The following GAK variants were observed in gnomAD, a reference collection of about 807,000 sequenced individuals.
GAK encodes the protein cyclin G associated kinase.
A neutral mutation model predicts 143.9 loss-of-function variants in GAK; 79 were observed. That is an observed-to-expected ratio of 0.55 (90% CI 0.46 to 0.66). The LOEUF is 0.66. Among genes scored for constraint, GAK ranks in the 30% least tolerant of loss-of-function variants. The pLI, the probability that GAK is intolerant of heterozygous loss-of-function variation, is 0.00. For synonymous variants in GAK, 881 were observed against 765.5 expected, an observed-to-expected ratio of 1.15 and a Z score of -2.49; for missense variants, 1,693 against 1,779.7, an observed-to-expected ratio of 0.95 and a Z score of 0.88.
chr4:866,648 C>T, intron 21 of GAK, 114 bp from the exon 22 acceptor site: 1 of 1,144,826 alleles, frequency 8.7e-7, no homozygotes. Context: ...AGCCCAGACC[C>T]CACGGCTGCC....
chr4:886,624 CTT>C (rs1323901360), intron 11 of GAK: 1 of 152,336 alleles, frequency 6.6e-6, no homozygotes, highest in Admixed American at 6.5e-5. Flanking sequence ...TCCTCTCTGT[CTT>C]GTTTCCACTC....
chr4:852,135 T>C (rs1748275322), intron 24 of GAK, 161 bp from the exon 25 acceptor site: 1 of 676,342 alleles, frequency 1.5e-6, no homozygotes, highest in Non-Finnish European at 2.6e-6. Flanking sequence ...CCCACACGTG[T>C]GAAGGTCTCC....
At chr4:852,335 C>A in intron 24 of GAK, 1 of 358,188 alleles carries the variant, frequency 2.8e-6, no homozygotes, top group South Asian at 3.2e-5. Context: ...CGGGGCTTGT[C>A]CACGGGGGTT....
Position 858,560 on chromosome 4 carries a change from A to T in GAK, c.3283+1046T>A, listed in dbSNP as rs550035275. 3.0e-4 allele frequency among the ~76,000 whole-genome samples: 45 copies of T among 152,356 alleles called. 1 individual carries two copies. The highest frequency in any genetic ancestry group is 1.9e-3 in the South Asian group (9 of 4,832). ...AGGCCACAAAGGGAAATAAAATACA[A>T]AACCACACCGACAGAAACGCTCATG... is the stretch of plus-strand genomic sequence containing the variant. On this transcript the variant is annotated intron_variant, in intron 24 of 27. Transcript: ENST00000314167.
intron 1 of GAK, among the ~76,000 whole-genome samples, chr4:921,671 A>G (rs2152966013): frequency 6.6e-6 from 1 of 151,972 alleles, no homozygotes; most frequent in East Asian, 1.9e-4. Flanking sequence ...GATCTGCAAC[A>G]GACCCCGCTT....
chr4:889,541 C>A (rs115830981), intron 10 of GAK, among the ~76,000 whole-genome samples: 7,134 of 152,224 alleles, frequency 0.047, 194 homozygotes, highest in South Asian at 0.1. Flanking sequence ...CCCAGCAGCT[C>A]GAGGACTCAC....
intron 5 of GAK, among the ~76,000 whole-genome samples, chr4:902,605 A>AAAAAAAAAAAAAAAAAAAAAC (rs1180561371): frequency 3.8e-5 from 5 of 130,386 alleles, no homozygotes; most frequent in Admixed American, 1.7e-4. Context: ...TCAAAAAAAA[A>AAAAAAAAAAAAAAAAAAAAAC]AAAAAAAAAC....
chr4:870,972 T>C (rs1712465119), intron 18 of GAK, 68 bp from the exon 19 acceptor site: 13 of 1,355,122 alleles, frequency 9.6e-6, no homozygotes, highest in Non-Finnish European at 9.1e-6. Flanking sequence ...GGACATTCAC[T>C]AAAGAAACGT....
At chr4:924,564 G>A (rs566356090) in intron 1 of GAK, among the ~76,000 whole-genome samples, 6 of 151,766 alleles carry the variant, frequency 4.0e-5, no homozygotes, top group Non-Finnish European at 4.4e-5. Flanking sequence ...TCATAACAGC[G>A]GACACGGTTT....
chr4:875,052 A>C (rs1030843151), intron 18 of GAK, among the ~76,000 whole-genome samples: 1 of 152,160 alleles, frequency 6.6e-6, no homozygotes, highest in Non-Finnish European at 1.5e-5. Context: ...ATCTCTGGTG[A>C]AATTCCCATC....
At chr4:908,341 C>G (rs1721446563) in intron 4 of GAK, among the ~76,000 whole-genome samples, 2 of 152,272 alleles carry the variant, frequency 1.3e-5, no homozygotes, top group South Asian at 2.1e-4. Flanking sequence ...AACCAAGCAG[C>G]CTTCTGGATG....
At position 889,936 on chromosome 4, in the gene GAK, G is replaced by A. The variant is rs1053220416; in HGVS notation, c.1081+596C>T. On this transcript the variant is annotated intron_variant, in intron 10 of 27. Coordinates refer to ENST00000314167, the MANE Select transcript of GAK (RefSeq NM_005255.4). ...GGTGCCCACTCCTCATGCGGCAGAA[G>A]GGGCCACCTCACACTAGCGGCAGAA... 4.6e-5 allele frequency among the ~76,000 whole-genome samples: 7 copies of A among 152,194 alleles called. No homozygotes were observed. In the East Asian group the frequency reaches 9.6e-4, roughly 21 times the overall value.
chr4:917,183 AAAACTCCAGAAAACGCAAATGGATCTAT>A (rs1723203698), intron 1 of GAK, among the ~76,000 whole-genome samples: 1 of 152,278 alleles, frequency 6.6e-6, no homozygotes, highest in Admixed American at 6.5e-5. Flanking sequence ...CAGTGTACAG[AAAACTCCAGAAAACGCAAATGGATCTAT>A]GGTAACAGAA....
At chr4:868,459 G>A (rs1481297216) in intron 20 of GAK, 80 bp downstream of exon 20, 1 of 1,495,500 alleles carries the variant, frequency 6.7e-7, no homozygotes. Context: ...CGTCTCCCAA[G>A]ACGCTTGCCC....
chr4:855,180 C>T (rs1335019051), intron 24 of GAK, among the ~76,000 whole-genome samples: 2 of 152,158 alleles, frequency 1.3e-5, no homozygotes, highest in Non-Finnish European at 2.9e-5. Context: ...CACAGGAGAA[C>T]GGCCACCTTA....
chr4:910,872 C>T (rs532769957), intron 4 of GAK, among the ~76,000 whole-genome samples: 5 of 152,282 alleles, frequency 3.3e-5, no homozygotes, highest in Admixed American at 6.5e-5. Context: ...TGGAGGGCAT[C>T]GGCACGAGGC....
At chr4:890,433 C>A in intron 10 of GAK, 99 bp downstream of exon 10, 1 of 848,180 alleles carries the variant, frequency 1.2e-6, no homozygotes, top group East Asian at 2.8e-5. Flanking sequence ...GAGGAGGCCC[C>A]GGGAGAGAAG....
chr4:850,776 A>G, intron 26 of GAK, 160 bp downstream of exon 26: 1 of 730,980 alleles, frequency 1.4e-6, no homozygotes, highest in Non-Finnish European at 2.1e-6. Context: ...CGGCAGTGAC[A>G]GGTCCCTGTC....
intron 11 of GAK, 32 bp downstream of exon 11, chr4:888,815 G>C (rs757054644): frequency 1.9e-6 from 3 of 1,583,776 alleles, no homozygotes; most frequent in Non-Finnish European, 2.6e-6. Context: ...CGAGCGTGCG[G>C]CAGGTCCAGG....
Sources: gnomAD v4.1 joint callset for allele counts (sites outside exome capture counted in the v4.1 genomes callset) on GRCh38, gnomAD v4.1.1 for gene constraint, MANE v1.5 for transcripts, NCBI Gene and HGNC (gene_info 2026-07-23, HGNC 2026-07-21) for gene names.